The following ACTR3C variants were observed in gnomAD, a reference collection of about 807,000 sequenced individuals.
ACTR3C encodes the protein actin related protein 3C.
ACTR3C carries 18 observed loss-of-function variants against 26.3 expected under a neutral mutation model. That is an observed-to-expected ratio of 0.68 (90% CI 0.47 to 1.01). ACTR3C has a LOEUF of 1.01. ACTR3C is among the 50% of genes least tolerant of loss of function. The pLI is 0.00. For missense variants in ACTR3C, 184 were observed against 250.7 expected, an observed-to-expected ratio of 0.73 and a Z score of 1.80; for synonymous variants, 55 against 94.5, an observed-to-expected ratio of 0.58 and a Z score of 2.42.
the ACTR3C span, among the ~76,000 whole-genome samples, chr7:150,025,644 C>A: frequency 6.6e-6 from 1 of 151,972 alleles, no homozygotes; most frequent in African/African-American, 2.4e-5. Context: ...ATGTTTTTAG[C>A]GGAGGAAAAT....
At chr7:149,929,425 CAAAAA>C in the ACTR3C span, among the ~76,000 whole-genome samples, 6 of 49,130 alleles carry the variant, frequency 1.2e-4, no homozygotes, top group Admixed American at 1.0e-3. Context: ...AAGATTCTGT[CAAAAA>C]AAAAAAAAAA....
the ACTR3C span, among the ~76,000 whole-genome samples, chr7:150,132,522 A>C: frequency 6.6e-6 from 1 of 152,340 alleles, no homozygotes; most frequent in African/African-American, 2.4e-5. Context: ...ATCACTCATC[A>C]TCAGGGAAAT....
the ACTR3C span, chr7:149,892,484 A>G: frequency 7.7e-7 from 1 of 1,294,142 alleles, no homozygotes; most frequent in South Asian, 1.9e-5. Context: ...TAATATACAC[A>G]CAAGTAAATT....
chr7:150,042,412 C>T, the ACTR3C span, among the ~76,000 whole-genome samples: 1 of 146,356 alleles, frequency 6.8e-6, no homozygotes, highest in South Asian at 2.2e-4. Flanking sequence ...TCTCAGTCCC[C>T]GCGTCGCGAG....
downstream of ACTR3C, chr7:150,245,750 T>C (rs1832429298): frequency 6.6e-6 from 1 of 152,210 alleles, no homozygotes; most frequent in South Asian, 2.1e-4. Flanking sequence ...GACTGTCATA[T>C]TTGCAATACA....
At chr7:149,995,342 A>T in the ACTR3C span, among the ~76,000 whole-genome samples, 1 of 151,930 alleles carries the variant, frequency 6.6e-6, no homozygotes, top group Non-Finnish European at 1.5e-5. Flanking sequence ...TTCTCTTTCC[A>T]TTGTGTGGAA....
At chr7:149,956,772 G>A in the ACTR3C span, among the ~76,000 whole-genome samples, 4 of 151,970 alleles carry the variant, frequency 2.6e-5, no homozygotes, top group Non-Finnish European at 4.4e-5. Context: ...ATGAAAGAGC[G>A]ATGTAGGGGC....
the ACTR3C span, among the ~76,000 whole-genome samples, chr7:149,997,278 T>C: frequency 6.6e-6 from 1 of 152,122 alleles, no homozygotes; most frequent in African/African-American, 2.4e-5. Context: ...ATGTGAACTT[T>C]GCAACGTGAC....
the ACTR3C span, among the ~76,000 whole-genome samples, chr7:150,133,027 C>T: frequency 1.3e-5 from 2 of 152,114 alleles, no homozygotes; most frequent in East Asian, 3.9e-4. Context: ...CATCTGATTC[C>T]TGTTCCTAAA....
the ACTR3C span, among the ~76,000 whole-genome samples, chr7:149,935,892 T>G: frequency 6.6e-6 from 1 of 152,200 alleles, no homozygotes; most frequent in Non-Finnish European, 1.5e-5. Flanking sequence ...GCCTCCTGAC[T>G]GCCCCTGAGT....
chr7:149,995,868 G>T, the ACTR3C span, among the ~76,000 whole-genome samples: 1 of 152,268 alleles, frequency 6.6e-6, no homozygotes, highest in Admixed American at 6.5e-5. Flanking sequence ...GGGTCTTGAC[G>T]AGGAAGGGAA....
chr7:149,996,208 C>T, the ACTR3C span, among the ~76,000 whole-genome samples: 1 of 152,166 alleles, frequency 6.6e-6, no homozygotes, highest in Non-Finnish European at 1.5e-5. Flanking sequence ...CCGAGTGTGG[C>T]TCCATGGAAA....
At chr7:150,037,004 G>A in the ACTR3C span, among the ~76,000 whole-genome samples, 1 of 85,866 alleles carries the variant, frequency 1.2e-5, no homozygotes, top group Admixed American at 9.9e-5. Flanking sequence ...CCGCCCCCCT[G>A]CGATGGGGGT....
chr7:150,124,363 A>G, the ACTR3C span, among the ~76,000 whole-genome samples: 1 of 152,226 alleles, frequency 6.6e-6, no homozygotes, highest in Non-Finnish European at 1.5e-5. Context: ...CTGGAGGGAT[A>G]ATAAGACTGA....
At chr7:150,009,567 C>T in the ACTR3C span, among the ~76,000 whole-genome samples, 1 of 152,162 alleles carries the variant, frequency 6.6e-6, no homozygotes, top group Non-Finnish European at 1.5e-5. Flanking sequence ...TGAGTACCAC[C>T]CCATGTTTAC....
chr7:149,895,305 A>G, the ACTR3C span, among the ~76,000 whole-genome samples: 1 of 151,464 alleles, frequency 6.6e-6, no homozygotes, highest in South Asian at 2.1e-4. Context: ...GATAGGAGAA[A>G]TAAATTACAA....
the ACTR3C span, among the ~76,000 whole-genome samples, chr7:150,072,545 G>C: frequency 0.13 from 18,629 of 142,732 alleles, 1,295 homozygotes; most frequent in South Asian, 0.24. Context: ...ACAGCCATGC[G>C]AGGGTGGGGA....
At chr7:150,141,218 C>A in the ACTR3C span, among the ~76,000 whole-genome samples, 1 of 152,246 alleles carries the variant, frequency 6.6e-6, no homozygotes, top group Non-Finnish European at 1.5e-5. Context: ...AGAAAAAGTT[C>A]ACAATTTGGC....
the ACTR3C span, among the ~76,000 whole-genome samples, chr7:150,203,156 T>A: frequency 1.3e-5 from 2 of 152,180 alleles, no homozygotes; most frequent in African/African-American, 4.8e-5. Context: ...AATCTTGGGC[T>A]CCACCCTAGA....
Sources: allele counts gnomAD v4.1 joint callset (sites outside exome capture counted in the v4.1 genomes callset), GRCh38; gene constraint gnomAD v4.1.1; transcripts MANE v1.5; gene names NCBI Gene and HGNC (gene_info 2026-07-23, HGNC 2026-07-21).